The following LZTS1 variants were observed in gnomAD, a reference collection of about 807,000 sequenced individuals.
LZTS1 encodes the protein leucine zipper putative tumor suppressor 1.
LZTS1 carries 31 observed loss-of-function variants against 45.8 expected under a neutral mutation model. The observed-to-expected ratio is 0.68, with a 90% confidence interval of 0.51 to 0.91. LZTS1 has a LOEUF of 0.91. Among genes scored for constraint, LZTS1 ranks in the 40% least tolerant of loss-of-function variants. The pLI is 0.00. For synonymous variants in LZTS1, 359 were observed against 357.3 expected (o/e 1.00, Z -0.05); for missense variants, 821 against 788.9 (o/e 1.04, Z -0.49).
rs149086369 is a variant in LZTS1, at chr8:20,253,111, C to G, written c.820G>C (p.Glu274Gln). The G allele has an allele frequency of 2.5e-6, 4 of 1,611,434 alleles. No individual in the cohort carries two copies. The South Asian group carries it at 4.4e-5, about 18-fold the overall frequency. The change falls in exon 3 of 4, where the codon GAG (glutamate) becomes CAG (glutamine). Residue 274 changes from glutamate to glutamine, a missense_variant. Physicochemically the swap from Glu to Gln is conservative, Grantham distance 29. Coordinates refer to ENST00000381569, the MANE Select transcript of LZTS1 (RefSeq NM_021020.5). ...CGCTGCAGCTTCTGGAGGGCGCCCT[C>G]CCTCTCCAACAGCTTCTGCTCCAGC... ...QELEQKLLER[E>Q]GALQKLQRSF... is the part of the protein sequence containing the mutation.
At chr8:20,270,767 G>A (rs917585084) in intron 1 of LZTS1, among the ~76,000 whole-genome samples, 2 of 151,294 alleles carry the variant, frequency 1.3e-5, no homozygotes, top group African/African-American at 4.9e-5. Context: ...ACTTCAGTAG[G>A]GCTCATCTTT....
chr8:20,299,345 G>C (rs1286042035), intron 1 of LZTS1, among the ~76,000 whole-genome samples: 1 of 152,212 alleles, frequency 6.6e-6, no homozygotes, highest in Non-Finnish European at 1.5e-5. Context: ...TGGCTCACCT[G>C]CCTCCTGCTG....
intron 1 of LZTS1, chr8:20,289,960 G>C (rs1433311309): frequency 2.8e-4 from 42 of 152,320 alleles, no homozygotes; most frequent in Non-Finnish European, 7.3e-5. Flanking sequence ...AGACTGCCTG[G>C]GGGGAAGTCC....
rs114348403 is a variant in LZTS1 at position 20,257,499 on chromosome 8, G to A, written c.-134-2184C>T. Among the ~76,000 whole-genome samples the A allele has an allele frequency of 4.4e-3, 668 of 152,242 alleles. 5 individuals are homozygous for A. Among genetic ancestry groups the A allele is most frequent in the African/African-American group, 0.016 (645 of 41,544 alleles). On this transcript the variant is annotated intron_variant, in intron 1 of 3. Coordinates refer to ENST00000381569, the MANE Select transcript of LZTS1 (RefSeq NM_021020.5). ...GGTGGAAGGAAGGCCTCATTGAGAA[G>A]ATTCAAGAGAGAAAGAAGGAGAAAG...
Position 20,249,957 on chromosome 8 carries a change from T to C in LZTS1, c.1556A>G (p.Asp519Gly). ...ATGCTGGAAGCCCGAGGACATCTGG[T>C]CATGGCCTTGCCGCTCCTCCCGCAG... ...AELREERQGH[D>G]QMSSGFQHER... Residue 519 changes from aspartate (D) to glycine (G), a missense_variant, in exon 4 of 4, where the codon GAC (aspartate) becomes GGC (glycine). By Grantham distance (94) the Asp-to-Gly change is moderately conservative (BLOSUM62 -1). Coordinates refer to ENST00000381569, the MANE Select transcript of LZTS1 (RefSeq NM_021020.5). 5 of 1,614,116 alleles carry C rather than the reference T, an allele frequency of 3.1e-6. No individual in the cohort carries two copies. The highest frequency in any genetic ancestry group is 4.2e-6 in the Non-Finnish European group (5 of 1,179,994).
chr8:20,272,135 T>A (rs1413118103), intron 1 of LZTS1, among the ~76,000 whole-genome samples: 1 of 152,238 alleles, frequency 6.6e-6, no homozygotes, highest in African/African-American at 2.4e-5. Context: ...ATGAATCATG[T>A]CAGACAATGG....
At chr8:20,279,834 CAAAT>C (rs1800654127) in intron 1 of LZTS1, among the ~76,000 whole-genome samples, 1 of 151,092 alleles carries the variant, frequency 6.6e-6, no homozygotes, top group Middle Eastern at 3.4e-3. Flanking sequence ...TAAAAACAAA[CAAAT>C]AAGCTGGGCA....
intron 1 of LZTS1, among the ~76,000 whole-genome samples, chr8:20,283,746 T>C (rs1469495887): frequency 6.6e-6 from 1 of 152,128 alleles, no homozygotes; most frequent in East Asian, 1.9e-4. Flanking sequence ...GTTGAGATGT[T>C]AGCTTGGCTG....
chr8:20,273,701 C>G (rs1169539073), intron 1 of LZTS1, among the ~76,000 whole-genome samples: 1 of 152,168 alleles, frequency 6.6e-6, no homozygotes. Context: ...CAGCATTTCC[C>G]TGAGATTCCA....
intron 1 of LZTS1, among the ~76,000 whole-genome samples, chr8:20,269,627 G>C (rs971176817): frequency 1.3e-5 from 2 of 152,210 alleles, no homozygotes; most frequent in African/African-American, 4.8e-5. Flanking sequence ...AAGAATCAAT[G>C]GAAACTGAGC....
Position 20,262,044 on chromosome 8 carries a change from G to A in LZTS1, c.-134-6729C>T, listed in dbSNP as rs529504331. Among the ~76,000 whole-genome samples the A allele has an allele frequency of 7.9e-5, 12 of 152,342 alleles. No individual in the cohort carries two copies. In the South Asian group the frequency reaches 2.5e-3, roughly 32 times the overall value. On this transcript the variant is annotated intron_variant, in intron 1 of 3. Transcript: ENST00000381569. ...ACCAGCACTCAGCGGTGAGCTCACG[G>A]CTGTGCTGTGCTTCTGGCATCTCTG...
At chr8:20,290,870 C>A (rs1321472180) in intron 1 of LZTS1, among the ~76,000 whole-genome samples, 3 of 152,216 alleles carry the variant, frequency 2.0e-5, no homozygotes, top group African/African-American at 7.2e-5. Context: ...TTCTGTCCAG[C>A]CACTGCCCTT....
chr8:20,271,138 C>T (rs570853190), intron 1 of LZTS1, among the ~76,000 whole-genome samples: 18 of 152,092 alleles, frequency 1.2e-4, no homozygotes, highest in Non-Finnish European at 2.4e-4. Flanking sequence ...CGAGTCTCTA[C>T]CTGTCCTGAG....
chr8:20,273,103 CTAAAT>C (rs1800505810), intron 1 of LZTS1, among the ~76,000 whole-genome samples: 1 of 152,302 alleles, frequency 6.6e-6, no homozygotes, highest in South Asian at 2.1e-4. Flanking sequence ...CGGGATGTTG[CTAAAT>C]CCAATGGACC....
Position 20,303,773 on chromosome 8 carries a change from T to C in LZTS1, c.-168A>G, listed in dbSNP as rs1801124451. 1.0e-5 allele frequency: 10 copies of C among 983,972 alleles called. No homozygotes were observed. Among genetic ancestry groups the C allele is most frequent in the Non-Finnish European group, 1.2e-5 (10 of 829,630 alleles). The allele number at this position is 983,972 out of a possible 1,614,324, so 61.0% of individuals were successfully genotyped here. A position where few individuals can be genotyped will look rare whatever the true frequency, so the allele number is the denominator to read the frequency against. On this transcript the variant is annotated 5_prime_UTR_variant, in exon 1 of 4. Coordinates refer to ENST00000381569, the MANE Select transcript of LZTS1 (RefSeq NM_021020.5). The stretch of plus-strand genomic sequence containing the variant: ...TGCGCCTCGGGCGCACTTGAGACTT[T>C]TTTTTTTTCCCAGTGTTTCCCGGTG...
chr8:20,268,032 A>G (rs1800395704), intron 1 of LZTS1, among the ~76,000 whole-genome samples: 1 of 152,222 alleles, frequency 6.6e-6, no homozygotes, highest in Non-Finnish European at 1.5e-5. Flanking sequence ...ACCAGTGAGG[A>G]CAGTACACAT....
intron 1 of LZTS1, among the ~76,000 whole-genome samples, chr8:20,298,382 GCACTTGGTTTCCT>G (rs1801013503): frequency 6.6e-6 from 1 of 152,136 alleles, no homozygotes; most frequent in Non-Finnish European, 1.5e-5. Flanking sequence ...TTTCAAAGGC[GCACTTGGTTTCCT>G]CATCTGCCAA....
chr8:20,288,488 T>G (rs989066877), intron 1 of LZTS1, among the ~76,000 whole-genome samples: 1 of 152,188 alleles, frequency 6.6e-6, no homozygotes, highest in African/African-American at 2.4e-5. Flanking sequence ...TATGGGACGA[T>G]GTACGACACA....
At chr8:20,289,638 G>A (rs1259566439) in intron 1 of LZTS1, among the ~76,000 whole-genome samples, 1 of 152,200 alleles carries the variant, frequency 6.6e-6, no homozygotes, top group Non-Finnish European at 1.5e-5. Context: ...CTTGTCTCCT[G>A]TCCTGGGACC....
Sources: allele counts gnomAD v4.1 joint callset (sites outside exome capture counted in the v4.1 genomes callset), GRCh38; gene constraint gnomAD v4.1.1; transcripts MANE v1.5; gene names NCBI Gene and HGNC (gene_info 2026-07-23, HGNC 2026-07-21).